Variants in HACD1 observed in about 807,000 individuals in gnomAD.
The protein encoded by HACD1 is very-long-chain (3R)-3-hydroxyacyl-CoA dehydratase 1.
A neutral mutation model predicts 32.0 loss-of-function variants in HACD1; 41 were observed. That is an observed-to-expected ratio of 1.28 (90% CI 1.00 to 1.66). The LOEUF (loss-of-function observed/expected upper bound fraction) is 1.66, where lower values mean the gene tolerates loss of function less well. Among genes scored for constraint, HACD1 ranks in the 40% most tolerant of loss-of-function variants. The pLI, the probability that HACD1 is intolerant of heterozygous loss-of-function variation, is 0.00. For missense variants in HACD1, 396 were observed against 380.1 expected (o/e 1.04, Z -0.35); for synonymous variants, 142 against 139.0 (o/e 1.02, Z -0.15).
intron 1 of HACD1, among the ~76,000 whole-genome samples, chr10:17,611,824 AG>A (rs1324862308): frequency 6.6e-6 from 1 of 152,022 alleles, no homozygotes; most frequent in African/African-American, 2.4e-5. Flanking sequence ...AAAATTAGCC[AG>A]GCGTGGTGGG....
At chr10:17,605,703 C>T (rs1234958270) in intron 1 of HACD1, among the ~76,000 whole-genome samples, 1 of 151,498 alleles carries the variant, frequency 6.6e-6, no homozygotes, top group Non-Finnish European at 1.5e-5. Flanking sequence ...CCTGTAATCC[C>T]AACACCTTGG....
chr10:17,610,468 G>T (rs1284731785), intron 1 of HACD1, among the ~76,000 whole-genome samples: 2 of 152,078 alleles, frequency 1.3e-5, no homozygotes, highest in Admixed American at 1.3e-4. Context: ...GGGCAACATG[G>T]CAAGACCTTG....
At chr10:17,597,883 A>G (rs574318586) in intron 5 of HACD1, among the ~76,000 whole-genome samples, 3 of 152,152 alleles carry the variant, frequency 2.0e-5, no homozygotes, top group Non-Finnish European at 4.4e-5. Flanking sequence ...CTCAAATTAT[A>G]ATTTCAAAGT....
intron 1 of HACD1, among the ~76,000 whole-genome samples, chr10:17,616,624 C>T (rs1833088017): frequency 6.7e-6 from 1 of 148,976 alleles, no homozygotes; most frequent in Non-Finnish European, 1.5e-5. Context: ...AAGTGACAAG[C>T]TCTAGGACGT....
chr10:17,593,775 A>G (rs1306117481), intron 6 of HACD1, among the ~76,000 whole-genome samples: 1 of 152,246 alleles, frequency 6.6e-6, no homozygotes, highest in Non-Finnish European at 1.5e-5. Flanking sequence ...AAGACTCAAA[A>G]CTACTCCTAG....
At chr10:17,595,481 G>C (rs1401657039) in intron 5 of HACD1, among the ~76,000 whole-genome samples, 1 of 152,104 alleles carries the variant, frequency 6.6e-6, no homozygotes, top group Non-Finnish European at 1.5e-5. Context: ...TGACAAGTTA[G>C]TTCCTGAATT....
At chr10:17,600,900 T>C (rs1378361107) in intron 4 of HACD1, among the ~76,000 whole-genome samples, 1 of 152,190 alleles carries the variant, frequency 6.6e-6, no homozygotes, top group Non-Finnish European at 1.5e-5. Context: ...AGAACCATGT[T>C]TGTTTTATCA....
chr10:17,591,280 C>G (rs1414101391), intron 6 of HACD1, among the ~76,000 whole-genome samples: 8 of 152,184 alleles, frequency 5.3e-5, no homozygotes, highest in African/African-American at 1.7e-4. Context: ...TATACTGATA[C>G]ATGGTTAACC....
chr10:17,593,694 G>A (rs2131503051), intron 6 of HACD1, among the ~76,000 whole-genome samples: 1 of 152,348 alleles, frequency 6.6e-6, no homozygotes, highest in East Asian at 1.9e-4. Flanking sequence ...AATTAGTGAA[G>A]AGGCTGACTT....
intron 5 of HACD1, among the ~76,000 whole-genome samples, chr10:17,597,614 A>G (rs901121884): frequency 3.3e-5 from 5 of 152,254 alleles, no homozygotes; most frequent in Non-Finnish European, 5.9e-5. Context: ...TCCTCTTCAG[A>G]CAAATTTTGT....
intron 5 of HACD1, 141 bp downstream of exon 5, chr10:17,599,149 A>G: frequency 7.5e-7 from 1 of 1,328,532 alleles, no homozygotes; most frequent in South Asian, 2.0e-5. Context: ...AACTTGTATA[A>G]TTATTAGTTA....
At chr10:17,591,085 A>T (rs1446158860) in intron 6 of HACD1, among the ~76,000 whole-genome samples, 1 of 152,182 alleles carries the variant, frequency 6.6e-6, no homozygotes, top group Admixed American at 6.6e-5. Context: ...ATGCTGCGCC[A>T]GAACATTCCA....
At chr10:17,599,517 G>A in intron 4 of HACD1, 106 bp from the exon 5 acceptor site, 1 of 1,429,986 alleles carries the variant, frequency 7.0e-7, no homozygotes, top group Non-Finnish European at 9.1e-7. Context: ...TGGAATGTTA[G>A]GGTTAGGCAA....
At chr10:17,613,271 C>T (rs1167567118) in intron 1 of HACD1, among the ~76,000 whole-genome samples, 1 of 151,970 alleles carries the variant, frequency 6.6e-6, no homozygotes, top group Non-Finnish European at 1.5e-5. Flanking sequence ...CTGTTCCCCA[C>T]TTGTTTTGAA....
rs530684518 is a variant in HACD1, at chr10:17,603,452, TG to T, written c.483+107del. The T allele has an allele frequency of 5.5e-5, 57 of 1,044,540 alleles. No individual in the cohort carries two copies. In the African/African-American group the frequency reaches 8.7e-4, roughly 16 times the overall value. The allele number at this position is 1,044,540 out of a possible 1,614,324, so 64.7% of individuals were successfully genotyped here. A position where few individuals can be genotyped will look rare whatever the true frequency, so the allele number is the denominator to read the frequency against. ...CTAAAACTCAAACCCAACTCCTTTT[TG>T]TCCAACACTTCCACCTCCTGAAATA... On this transcript the variant is annotated intron_variant, in intron 4 of 6. Transcript: ENST00000361271.
intron 1 of HACD1, among the ~76,000 whole-genome samples, chr10:17,613,564 C>T (rs1833023634): frequency 6.6e-6 from 1 of 152,132 alleles, no homozygotes; most frequent in African/African-American, 2.4e-5. Context: ...AATCTTATTC[C>T]TTCTTCAAAT....
intron 1 of HACD1, among the ~76,000 whole-genome samples, chr10:17,616,634 T>C (rs1378835379): frequency 8.6e-5 from 12 of 139,630 alleles, no homozygotes; most frequent in African/African-American, 3.3e-4. Flanking sequence ...CTCTAGGACG[T>C]GCTGTGCTTT....
In HACD1 at chr10:17,613,097, GGTGTGTGTGTGT is replaced by G. The variant is rs56074507; in HGVS notation, c.257+3974_257+3985del. On this transcript the variant is annotated intron_variant, in intron 1 of 6. Coordinates refer to ENST00000361271, the MANE Select transcript of HACD1 (RefSeq NM_014241.4). Reference sequence around the variant, plus strand: ...ACTATTCCGTTGCTTTGCAATTTGGGGTGTGTGTGTGTGTGTGTGTGTGTGTGTGTGTGTGTG... The same window carrying G: ...ACTATTCCGTTGCTTTGCAATTTGGGGTGTGTGTGTGTGTGTGTGTGTGTG... Among the ~76,000 whole-genome samples the G allele has an allele frequency of 8.2e-3, 1,091 of 132,868 alleles. 15 individuals carry two copies. The highest frequency in any genetic ancestry group is 0.027 in the African/African-American group (940 of 34,898). The allele number at this position is 132,868 out of a possible 152,430, so 87.2% of individuals were successfully genotyped here. A position where few individuals can be genotyped will look rare whatever the true frequency, so the allele number is the denominator to read the frequency against.
intron 6 of HACD1, among the ~76,000 whole-genome samples, chr10:17,592,273 C>T (rs1554815642): frequency 2.6e-5 from 4 of 152,076 alleles, no homozygotes; most frequent in Non-Finnish European, 5.9e-5. Flanking sequence ...TGAGCCACCA[C>T]ACCAGGCCAC....
Sources: gnomAD v4.1 joint callset for allele counts (sites outside exome capture counted in the v4.1 genomes callset) on GRCh38, gnomAD v4.1.1 for gene constraint, MANE v1.5 for transcripts, NCBI Gene and HGNC (gene_info 2026-07-23, HGNC 2026-07-21) for gene names.